The following ZNF385D variants were observed in gnomAD, a reference collection of about 807,000 sequenced individuals.
The protein encoded by ZNF385D is zinc finger protein 659.
In ZNF385D, 15 loss-of-function variants were observed where a neutral mutation model predicts 35.8. The observed-to-expected ratio is 0.42, with a 90% CI of 0.28 to 0.64. The LOEUF (loss-of-function observed/expected upper bound fraction) is 0.64, where lower values mean the gene tolerates loss of function less well. Ranked by LOEUF, ZNF385D falls within the 30% of genes least tolerant of loss-of-function variation. The pLI is 0.23. For synonymous variants in ZNF385D, 212 were observed against 186.8 expected (o/e 1.13, Z -1.10); for missense variants, 474 against 494.6 (o/e 0.96, Z 0.39).
intron 2 of ZNF385D, among the ~76,000 whole-genome samples, chr3:21,654,673 G>C (rs1038464043): frequency 7.2e-5 from 11 of 151,946 alleles, no homozygotes; most frequent in Non-Finnish European, 2.9e-5. Context: ...ATAAAAATGA[G>C]TTATCAGAAA....
intron 3 of ZNF385D, among the ~76,000 whole-genome samples, chr3:22,011,495 A>G (rs1696572901): frequency 6.6e-6 from 1 of 152,122 alleles, no homozygotes; most frequent in South Asian, 2.1e-4. Flanking sequence ...CTATCATGAT[A>G]TTTAATGGAC....
At chr3:21,814,944 C>T (rs574275618) in intron 3 of ZNF385D, among the ~76,000 whole-genome samples, 2 of 152,270 alleles carry the variant, frequency 1.3e-5, no homozygotes, top group South Asian at 4.1e-4. Context: ...TAAAGCACTC[C>T]TCAGCAAATG....
At chr3:22,341,091 T>C (rs572062761) in intron 2 of ZNF385D, among the ~76,000 whole-genome samples, 1 of 152,346 alleles carries the variant, frequency 6.6e-6, no homozygotes, top group South Asian at 2.1e-4. Flanking sequence ...GAAAACCTGG[T>C]TTCTTATTCT....
chr3:21,533,175 G>C (rs887312298), intron 3 of ZNF385D, among the ~76,000 whole-genome samples: 1 of 152,082 alleles, frequency 6.6e-6, no homozygotes, highest in African/African-American at 2.4e-5. Context: ...CGCTTTGTAG[G>C]CTGCAGCTCT....
chr3:22,302,966 G>C (rs575627641), intron 2 of ZNF385D, among the ~76,000 whole-genome samples: 1 of 151,996 alleles, frequency 6.6e-6, no homozygotes, highest in Admixed American at 6.6e-5. Flanking sequence ...TCATAGAAAC[G>C]TGTAAAATTT....
chr3:21,843,062 A>G (rs555069457), intron 3 of ZNF385D, among the ~76,000 whole-genome samples: 1 of 152,194 alleles, frequency 6.6e-6, no homozygotes, highest in East Asian at 1.9e-4. Context: ...ATCCTTTAGA[A>G]GCTAGAGTTG....
intron 3 of ZNF385D, among the ~76,000 whole-genome samples, chr3:22,029,109 T>A (rs1361132132): frequency 6.6e-6 from 1 of 152,108 alleles, no homozygotes; most frequent in East Asian, 1.9e-4. Context: ...GGAGGAACGC[T>A]GCCACCAGGA....
intron 3 of ZNF385D, among the ~76,000 whole-genome samples, chr3:21,793,486 T>A (rs1237448774): frequency 6.6e-6 from 1 of 152,220 alleles, no homozygotes; most frequent in Non-Finnish European, 1.5e-5. Flanking sequence ...TGAATTAGAA[T>A]TTGCATTTTA....
chr3:21,805,112 T>C (rs892585701), intron 3 of ZNF385D, among the ~76,000 whole-genome samples: 24 of 152,190 alleles, frequency 1.6e-4, no homozygotes, highest in Non-Finnish European at 2.9e-5. Context: ...TACCGGCTTT[T>C]TGCTGCTGGG....
intron 1 of ZNF385D, among the ~76,000 whole-genome samples, chr3:21,721,362 C>T (rs1167908923): frequency 6.6e-6 from 1 of 151,764 alleles, no homozygotes; most frequent in Non-Finnish European, 1.5e-5. Flanking sequence ...AATCTTTAGA[C>T]AGGCTCTGTC....
At chr3:22,121,863 T>C (rs1320134025) in intron 3 of ZNF385D, among the ~76,000 whole-genome samples, 1 of 152,082 alleles carries the variant, frequency 6.6e-6, no homozygotes, top group Non-Finnish European at 1.5e-5. Context: ...ACTGTATATA[T>C]TCCCTTTACA....
chr3:21,978,580 T>C (rs1233196978), intron 3 of ZNF385D, among the ~76,000 whole-genome samples: 2 of 152,196 alleles, frequency 1.3e-5, no homozygotes, highest in Non-Finnish European at 2.9e-5. Context: ...GTAATCAGAT[T>C]TTGCTTTTGT....
chr3:22,235,451 G>C (rs980957156), intron 2 of ZNF385D, among the ~76,000 whole-genome samples: 1 of 152,014 alleles, frequency 6.6e-6, no homozygotes, highest in African/African-American at 2.4e-5. Context: ...CAAAATGAAA[G>C]ATCAATAGAA....
At chr3:22,358,633 T>C (rs1433015904) in intron 2 of ZNF385D, among the ~76,000 whole-genome samples, 2 of 151,708 alleles carry the variant, frequency 1.3e-5, no homozygotes, top group Non-Finnish European at 3.0e-5. Flanking sequence ...AAAATGGTGG[T>C]AAATAGAGAT....
chr3:21,570,389 C>T (rs2063299911), intron 2 of ZNF385D, among the ~76,000 whole-genome samples: 1 of 152,174 alleles, frequency 6.6e-6, no homozygotes, highest in Non-Finnish European at 1.5e-5. Flanking sequence ...AGGTTCCCTT[C>T]TCTAGGACTG....
At chr3:21,583,482 ACT>A (rs1486795730) in intron 2 of ZNF385D, among the ~76,000 whole-genome samples, 7 of 152,010 alleles carry the variant, frequency 4.6e-5, no homozygotes, top group Non-Finnish European at 7.4e-5. Flanking sequence ...GAAGAACAAA[ACT>A]CTCTGCTCTA....
intron 1 of ZNF385D, among the ~76,000 whole-genome samples, chr3:21,725,653 A>G (rs1338652114): frequency 6.6e-6 from 1 of 152,212 alleles, no homozygotes; most frequent in African/African-American, 2.4e-5. Context: ...ATCTCTGCAT[A>G]GAACAATAAC....
chr3:22,149,446 T>A (rs1407806765), intron 3 of ZNF385D, among the ~76,000 whole-genome samples: 1 of 152,216 alleles, frequency 6.6e-6, no homozygotes, highest in African/African-American at 2.4e-5. Flanking sequence ...ATTCTTAAGC[T>A]TGAGCATGCA....
intron 3 of ZNF385D, among the ~76,000 whole-genome samples, chr3:21,992,147 T>G (rs1455669198): frequency 1.3e-5 from 2 of 152,138 alleles, no homozygotes; most frequent in Non-Finnish European, 1.5e-5. Flanking sequence ...AGCTACCATT[T>G]TTACCTCCAC....
Sources: allele counts gnomAD v4.1 joint callset (sites outside exome capture counted in the v4.1 genomes callset), GRCh38; gene constraint gnomAD v4.1.1; transcripts MANE v1.5; gene names NCBI Gene and HGNC (gene_info 2026-07-23, HGNC 2026-07-21).